Variants in RGS9 observed in about 807,000 individuals in gnomAD.
The protein encoded by RGS9 is regulator of G-protein signalling 9.
In RGS9, 78 loss-of-function variants were observed where a neutral mutation model predicts 102.0. The observed-to-expected ratio is 0.76, with a 90% CI of 0.64 to 0.92. The LOEUF is 0.92. Among genes scored for constraint, RGS9 ranks in the 40% least tolerant of loss-of-function variants. The probability of loss-of-function intolerance (pLI) is 0.00; values close to 1 mark genes in which losing one functional copy is unlikely to be tolerated. For synonymous variants in RGS9, 353 were observed against 318.6 expected (o/e 1.11, Z -1.15); for missense variants, 833 against 866.1 (o/e 0.96, Z 0.48).
intron 2 of RGS9, among the ~76,000 whole-genome samples, chr17:65,153,722 T>A (rs961779954): frequency 6.6e-6 from 1 of 151,968 alleles, no homozygotes; most frequent in African/African-American, 2.4e-5. Flanking sequence ...AAACCTTGTC[T>A]CTATTAAAAT....
At chr17:65,145,664 G>A (rs1299414036) in intron 1 of RGS9, among the ~76,000 whole-genome samples, 1 of 151,986 alleles carries the variant, frequency 6.6e-6, no homozygotes, top group Non-Finnish European at 1.5e-5. Flanking sequence ...CAAATTGCTG[G>A]GATTACAGGT....
At chr17:65,205,093 G>A (rs1426228906) in intron 15 of RGS9, among the ~76,000 whole-genome samples, 1 of 152,132 alleles carries the variant, frequency 6.6e-6, no homozygotes, top group African/African-American at 2.4e-5. Flanking sequence ...AACAAAGTGC[G>A]AATGCGGTGG....
intron 14 of RGS9, 40 bp from the exon 15 acceptor site, chr17:65,204,123 T>C: frequency 1.2e-6 from 2 of 1,611,428 alleles, no homozygotes; most frequent in Non-Finnish European, 1.7e-6. Flanking sequence ...TGAATTGACT[T>C]GGTTTAGTTA....
At chr17:65,202,408 G>GGGGGGTGT (rs1555616145) in intron 14 of RGS9, among the ~76,000 whole-genome samples, 1 of 132,272 alleles carries the variant, frequency 7.6e-6, no homozygotes, top group African/African-American at 3.1e-5. Context: ...TGTCCTGAGG[G>GGGGGGTGT]GTGTGTGTGT....
Position 65,181,670 on chromosome 17 carries a change from G to A in RGS9, c.654+3867G>A, listed in dbSNP as rs532038042. Among the ~76,000 whole-genome samples the A allele has an allele frequency of 5.3e-5, 8 of 152,342 alleles. No individual in the cohort carries two copies. The South Asian group carries it at 1.7e-3, about 32-fold the overall frequency. On this transcript the variant is annotated intron_variant, in intron 9 of 18. Coordinates refer to ENST00000262406, the MANE Select transcript of RGS9 (RefSeq NM_003835.4). ...TGGCAGGATCACTGCCATCATTTAG[G>A]GATGAGGGCAGTGTCGGGTGCTGAA...
intron 17 of RGS9, among the ~76,000 whole-genome samples, chr17:65,211,827 G>C (rs1438975664): frequency 6.6e-6 from 1 of 152,224 alleles, no homozygotes; most frequent in East Asian, 1.9e-4. Flanking sequence ...TTCTAGTCTA[G>C]GACTGAGACA....
At position 65,160,853 on chromosome 17, in the gene RGS9, A is replaced by G. The variant is rs764588214; in HGVS notation, c.367A>G (p.Ile123Val). The G allele has an allele frequency of 6.2e-7, 1 of 1,613,980 alleles. No homozygotes were observed. Among genetic ancestry groups the G allele is most frequent in the Non-Finnish European group, 8.5e-7 (1 of 1,179,818 alleles). Residue 123 changes from isoleucine to valine, a missense_variant and splice_region_variant, in exon 6 of 19, where the codon ATC becomes GTC. By Grantham distance (29) the Ile-to-Val change is conservative. Transcript: ENST00000262406. ...QWPAEDTDYA[I>V]YLAKRNIKKK... is the part of the protein sequence containing the mutation. ...AATGTCATTGCTTTCTTTTCCAGCC[A>G]TCTATCTGGCCAAGCGAAATATCAA... is the stretch of plus-strand genomic sequence containing the variant.
intron 13 of RGS9, among the ~76,000 whole-genome samples, chr17:65,197,618 CCTTT>C (rs1912646694): frequency 6.6e-6 from 1 of 152,060 alleles, no homozygotes; most frequent in Non-Finnish European, 1.5e-5. Flanking sequence ...GCAGGCTTTC[CCTTT>C]CTTTCTCTTT....
intron 2 of RGS9, among the ~76,000 whole-genome samples, chr17:65,156,033 CT>C (rs543178510): frequency 6.6e-5 from 10 of 150,610 alleles, no homozygotes; most frequent in Admixed American, 1.3e-4. Context: ...TTTACTTATA[CT>C]TTTTTTTGAG....
At chr17:65,205,720 G>C (rs557757150) in intron 15 of RGS9, among the ~76,000 whole-genome samples, 1 of 151,746 alleles carries the variant, frequency 6.6e-6, no homozygotes, top group Admixed American at 6.6e-5. Context: ...ATGTGTTATA[G>C]GCTATCTGAT....
At chr17:65,204,642 C>T (rs1441658985) in intron 15 of RGS9, among the ~76,000 whole-genome samples, 1 of 152,178 alleles carries the variant, frequency 6.6e-6, no homozygotes, top group Non-Finnish European at 1.5e-5. Flanking sequence ...AGCCCCTCAC[C>T]CACGGGCCTA....
At chr17:65,220,749 T>A (rs1913679374) in intron 17 of RGS9, among the ~76,000 whole-genome samples, 1 of 152,238 alleles carries the variant, frequency 6.6e-6, no homozygotes, top group Non-Finnish European at 1.5e-5. Flanking sequence ...ATGAATTTCA[T>A]CTCTATGCAC....
chr17:65,158,638 G>T, intron 3 of RGS9: 5 of 491,434 alleles, frequency 1.0e-5, no homozygotes. Context: ...AAGAAGTGAT[G>T]CTTGTGAATT....
intron 1 of RGS9, among the ~76,000 whole-genome samples, chr17:65,144,600 G>A (rs924736430): frequency 1.3e-5 from 2 of 152,204 alleles, no homozygotes; most frequent in African/African-American, 4.8e-5. Context: ...GGAGGAGCTG[G>A]GAAGCAGAGT....
rs561091655 is a variant in RGS9, at chr17:65,225,505, C to A, written c.1892+19C>A. 3.1e-6 allele frequency: 5 copies of A among 1,599,620 alleles called. No individual in the cohort carries two copies. Among genetic ancestry groups the A allele is most frequent in the Non-Finnish European group, 4.2e-6 (5 of 1,179,872 alleles). ...TAGCAAAGTAAGAACCCGAAGGGGA[C>A]GTGCCGTATGCATGGGTGGCTGTGG... On this transcript the variant is annotated intron_variant, in intron 18 of 18. Coordinates refer to ENST00000262406, the MANE Select transcript of RGS9 (RefSeq NM_003835.4).
rs1467392005 is a variant in RGS9, at chr17:65,225,179, G to T, written c.1585G>T (p.Ala529Ser). Residue 529 changes from alanine (A) to serine (S), a missense_variant, in exon 18 of 19, where the codon GCC becomes TCC. Physicochemically the swap from Ala to Ser is moderately conservative, Grantham distance 99 (BLOSUM62 1). Coordinates refer to ENST00000262406, the MANE Select transcript of RGS9 (RefSeq NM_003835.4). ...CATCTGCCCCTCACCCATCAGAGTG[G>T]CCTTGGAGAGCTCATCGGGCTTGGA... ...TTICPSPIRV[A>S]LESSSGLEQK... 1 of 1,613,514 alleles carries T rather than the reference G, an allele frequency of 6.2e-7. No individual in the cohort carries two copies. Among genetic ancestry groups the T allele is most frequent in the Non-Finnish European group, 8.5e-7 (1 of 1,180,032 alleles).
intron 8 of RGS9, among the ~76,000 whole-genome samples, chr17:65,169,664 T>C (rs985294219): frequency 1.3e-5 from 2 of 152,190 alleles, no homozygotes; most frequent in African/African-American, 4.8e-5. Flanking sequence ...CAAAGTGACA[T>C]AGACTAGCTA....
intron 9 of RGS9, among the ~76,000 whole-genome samples, chr17:65,183,107 T>TCTATCTATCCATCTAC (rs1244331226): frequency 1.3e-4 from 16 of 120,344 alleles, no homozygotes; most frequent in African/African-American, 4.2e-4. Context: ...TATCTATCTA[T>TCTATCTATCCATCTAC]CTACCTACCT....
intron 17 of RGS9, among the ~76,000 whole-genome samples, chr17:65,223,533 C>T (rs1905457281): frequency 6.6e-6 from 1 of 152,222 alleles, no homozygotes; most frequent in South Asian, 2.1e-4. Flanking sequence ...TGCAGGTGAT[C>T]TGAAAGCCAG....
Sources: allele counts gnomAD v4.1 joint callset (sites outside exome capture counted in the v4.1 genomes callset), GRCh38; gene constraint gnomAD v4.1.1; transcripts MANE v1.5; gene names NCBI Gene and HGNC (gene_info 2026-07-23, HGNC 2026-07-21).